COL6A3: variants seen among roughly 807,000 people sequenced by gnomAD.
The protein encoded by COL6A3 is collagen alpha-3(VI) chain.
COL6A3 carries 137 observed loss-of-function variants against 274.1 expected under a neutral mutation model. The observed-to-expected ratio is 0.50, with a 90% CI of 0.44 to 0.58. The LOEUF is 0.58. Among genes scored for constraint, COL6A3 ranks in the 20% least tolerant of loss-of-function variants. COL6A3 has a pLI of 0.00. For synonymous variants in COL6A3, 1,650 were observed against 1,650.6 expected (o/e 1.00, Z 0.01); for missense variants, 3,950 against 4,124.9 (o/e 0.96, Z 1.16).
At position 237,374,440 on chromosome 2, in the gene COL6A3, C is replaced by A. The variant is rs115065877; in HGVS notation, c.3651G>T (p.Gln1217His). The part of the protein sequence containing the change: ...QLTREELSRL[Q>H]PVLQPLPSPG... ...GGCTCGGTAGAGGCTGCAACACCGG[C>A]TGCAGCCTGCTCAGCTCCTCGCGGG... The change falls in exon 8 of 44, where the codon CAG becomes CAT. Residue 1217 changes from glutamine to histidine, a missense_variant. Transcript: ENST00000295550. This position sits in a 1 kb window ranked among gnomAD's most constrained non-coding sequence, Gnocchi z 4.8. The A allele has an allele frequency of 2.2e-5, 36 of 1,613,440 alleles. No individual in the cohort carries two copies. In the African/African-American group the frequency reaches 4.4e-4, roughly 20 times the overall value.
intron 24 of COL6A3, among the ~76,000 whole-genome samples, chr2:237,354,308 G>A (rs903339814): frequency 7.0e-5 from 10 of 142,018 alleles, no homozygotes; most frequent in African/African-American, 1.6e-4. Context: ...ATCAGCCACC[G>A]TCCTGGCCAG....
At position 237,368,846 on chromosome 2, in the gene COL6A3, C is replaced by T. The variant is rs1420997887; in HGVS notation, c.4617G>A (p.Gly1539=). The T allele has an allele frequency of 6.2e-7, 1 of 1,614,168 alleles. No homozygotes were observed. Among genetic ancestry groups the T allele is most frequent in the Admixed American group, 1.7e-5 (1 of 60,024 alleles). The part of the protein sequence containing the change: ...VKSAGSRIED[G]VPQHLVLVLG... ...GGACCAGGACCAGGTGTTGGGGCACCCCGTCTTCTATGCGACTCCCCGCAG... is the reference window on the plus strand; with the variant it reads ...GGACCAGGACCAGGTGTTGGGGCACTCCGTCTTCTATGCGACTCCCCGCAG... The change falls in exon 10 of 44, where the codon GGG becomes GGA. Residue 1539 remains glycine (G), a synonymous_variant. Coordinates refer to ENST00000295550, the MANE Select transcript of COL6A3 (RefSeq NM_004369.4). The surrounding 1 kb of genome is among the most constrained non-coding windows in gnomAD (Gnocchi z 4.4).
rs747312241 is a variant in COL6A3 at position 237,395,059 on chromosome 2, A to G, written c.237T>C (p.Ala79=). Residue 79 remains alanine, a synonymous_variant, in exon 3 of 44, where the codon GCT becomes GCC. Transcript: ENST00000295550. ...GTGGGTTTCCGTTGAACTGGACCAG[A>G]GCAAAATGGAAATCATTTTCTCCCA... The part of the protein sequence containing the change: ...LAVGENDFHF[A]LVQFNGNPHT... 1.4e-5 allele frequency: 22 copies of G among 1,614,074 alleles called. No individual in the cohort carries two copies. In the East Asian group the frequency reaches 3.3e-4, roughly 25 times the overall value.
In COL6A3 at chr2:237,406,548, T is replaced by A. The variant is rs533771202; in HGVS notation, c.-31+7405A>T. On this transcript the variant is annotated intron_variant, in intron 1 of 43. Transcript: ENST00000295550. ...TGTGAAATAGAAAGTCAAATTTCAG[T>A]AAATTTGAGGCACTCATCCACCCTT... Among the ~76,000 whole-genome samples the A allele has an allele frequency of 1.2e-4, 19 of 152,254 alleles. No individual in the cohort carries two copies. The South Asian group carries it at 3.9e-3, about 32-fold the overall frequency.
Position 237,333,688 on chromosome 2 carries a change from A to G in COL6A3, c.9230-140T>C, listed in dbSNP as rs1700383647. 4.1e-6 allele frequency: 3 copies of G among 735,782 alleles called. No individual in the cohort carries two copies. The East Asian group carries it at 8.0e-5, about 20-fold the overall frequency. The allele number at this position is 735,782 out of a possible 1,614,324, so 45.6% of individuals were successfully genotyped here. On this transcript the variant is annotated intron_variant, in intron 41 of 43. Transcript: ENST00000295550. Reference sequence around the variant, plus strand: ...GGTGATTGAAAGACACAGATCCAAGACACCTCTACATCCACGACTTATGCT... The same window carrying G: ...GGTGATTGAAAGACACAGATCCAAGGCACCTCTACATCCACGACTTATGCT...
rs745755603 is a variant in COL6A3, at chr2:237,368,704, T to C, written c.4759A>G (p.Thr1587Ala). The change falls in exon 10 of 44, where the codon ACC (threonine) becomes GCC (alanine). Residue 1587 changes from threonine to alanine, a missense_variant. This residue lies in a region of COL6A3 where 632 missense variants were observed against 623.4 expected (regional missense o/e 1.01). Coordinates refer to ENST00000295550, the MANE Select transcript of COL6A3 (RefSeq NM_004369.4). This position sits in a 1 kb window ranked among gnomAD's most constrained non-coding sequence, Gnocchi z 4.4. The part of the protein sequence containing the change: ...NIDRTELQTI[T>A]NDPRLVFTVR... ...GTGAAGACCAGTCTGGGGTCATTGGTGATGGTCTGCAGCTCTGTTCTGTCG... is the reference window on the plus strand; with the variant it reads ...GTGAAGACCAGTCTGGGGTCATTGGCGATGGTCTGCAGCTCTGTTCTGTCG... 3 of 1,614,116 alleles carry C rather than the reference T, an allele frequency of 1.9e-6. No homozygotes were observed. The highest frequency in any genetic ancestry group is 1.7e-6 in the Non-Finnish European group (2 of 1,180,016).
intron 28 of COL6A3, among the ~76,000 whole-genome samples, 167 bp from the exon 29 acceptor site, chr2:237,348,830 G>C (rs778621055): frequency 1.3e-5 from 2 of 152,166 alleles, no homozygotes; most frequent in Non-Finnish European, 2.9e-5. Context: ...TATCTTCCAA[G>C]TGTGAACAAG....
chr2:237,407,895 T>G lies in COL6A3; in HGVS notation c.-31+6058A>C, dbSNP rs1359471421. On this transcript the variant is annotated intron_variant, in intron 1 of 43. Transcript: ENST00000295550. The surrounding 1 kb of genome is among the most constrained non-coding windows in gnomAD (Gnocchi z 4.3). ...GCATTAGAAAATGCTTCAAGAAATA[T>G]TGCACAAATGCCCACTCCATTCCAA... Among the ~76,000 whole-genome samples, 1 of 152,194 alleles carries G rather than the reference T, an allele frequency of 6.6e-6. No individual in the cohort carries two copies. Among genetic ancestry groups the G allele is most frequent in the Admixed American group, 6.5e-5 (1 of 15,276 alleles).
At position 237,377,210 on chromosome 2, in the gene COL6A3, C is replaced by T. The variant is rs957717430; in HGVS notation, c.2632G>A (p.Ala878Thr). ...ACCTTGACATCATCGCTGTACTGAG[C>T]CACCGCAATTCGGGTCCCCTCTGGC... is the stretch of plus-strand genomic sequence containing the variant. The part of the protein sequence containing the change: ...VKPEGTRIAV[A>T]QYSDDVKVES... Residue 878 changes from alanine to threonine, a missense_variant, in exon 7 of 44, where the codon GCT becomes ACT. Coordinates refer to ENST00000295550, the MANE Select transcript of COL6A3 (RefSeq NM_004369.4). 1.2e-6 allele frequency: 2 copies of T among 1,613,834 alleles called. No homozygotes were observed. Among genetic ancestry groups the T allele is most frequent in the African/African-American group, 2.7e-5 (2 of 75,046 alleles).
chr2:237,340,423 G>A (rs765805523), intron 38 of COL6A3, 29 bp downstream of exon 38: 12 of 1,592,548 alleles, frequency 7.5e-6, no homozygotes, highest in African/African-American at 1.3e-5. Context: ...AGCCAGGCCA[G>A]GGCACATGCT....
intron 2 of COL6A3, among the ~76,000 whole-genome samples, chr2:237,395,851 A>T (rs556982009): frequency 4.9e-4 from 74 of 152,336 alleles, no homozygotes; most frequent in African/African-American, 1.7e-3. Flanking sequence ...AAAAGTCTCC[A>T]TAGATGTCAA....
intron 4 of COL6A3, among the ~76,000 whole-genome samples, chr2:237,384,396 G>A (rs988344453): frequency 4.6e-5 from 7 of 151,982 alleles, no homozygotes; most frequent in African/African-American, 7.3e-5. Flanking sequence ...CACCAACATG[G>A]CACAACCCTC....
intron 13 of COL6A3, 74 bp from the exon 14 acceptor site, chr2:237,363,472 A>C (rs898935982): frequency 2.2e-5 from 34 of 1,553,738 alleles, no homozygotes; most frequent in Non-Finnish European, 2.9e-5. Context: ...TCCTGACTAC[A>C]TTTTTAAAGA....
At chr2:237,410,542 C>T (rs929290223) in intron 1 of COL6A3, among the ~76,000 whole-genome samples, 2 of 152,000 alleles carry the variant, frequency 1.3e-5, no homozygotes, top group Non-Finnish European at 2.9e-5. Flanking sequence ...TGGGCTCAAG[C>T]GATCCGCCCA....
chr2:237,325,365 T>C (rs140825233), intron 43 of COL6A3, among the ~76,000 whole-genome samples, 195 bp downstream of exon 43: 8 of 152,336 alleles, frequency 5.3e-5, no homozygotes, highest in Non-Finnish European at 1.2e-4. Context: ...GGACAATATG[T>C]TTTTAGAAAC....
chr2:237,399,912 T>C (rs1461356818), intron 1 of COL6A3, among the ~76,000 whole-genome samples: 3 of 152,200 alleles, frequency 2.0e-5, no homozygotes, highest in Admixed American at 2.0e-4. Context: ...TTAGAATGGG[T>C]AGACGACTGA....
At chr2:237,339,294 T>C (rs1033464773) in intron 38 of COL6A3, among the ~76,000 whole-genome samples, 177 bp from the exon 39 acceptor site, 30 of 152,244 alleles carry the variant, frequency 2.0e-4, no homozygotes, top group African/African-American at 6.5e-4. Context: ...TATGATGGCA[T>C]TGGATCCATA....
At chr2:237,408,269 C>T (rs544272541) in intron 1 of COL6A3, among the ~76,000 whole-genome samples, 7 of 152,222 alleles carry the variant, frequency 4.6e-5, no homozygotes, top group Non-Finnish European at 1.0e-4. Flanking sequence ...CAATGGTCGG[C>T]CAATCTCTCC....
chr2:237,325,982 A>G, intron 42 of COL6A3: 1 of 370,328 alleles, frequency 2.7e-6, no homozygotes, highest in Non-Finnish European at 4.8e-6. Flanking sequence ...AGAATCCCAA[A>G]TGCTGGCAAT....
Sources: gnomAD v4.1 joint callset for allele counts (sites outside exome capture counted in the v4.1 genomes callset) on GRCh38, gnomAD v4.1.1 for gene constraint, gnomAD v4.1.1 regional missense constraint, Gnocchi (gnomAD v3.1) non-coding constraint, MANE v1.5 for transcripts, NCBI Gene and HGNC (gene_info 2026-07-23, HGNC 2026-07-21) for gene names.